The following SGCZ variants were observed in gnomAD, a reference collection of about 807,000 sequenced individuals.
SGCZ encodes sarcoglycan zeta, also known as zeta-sarcoglycan.
SGCZ carries 40 observed loss-of-function variants against 41.3 expected under a neutral mutation model. The ratio of observed to expected loss-of-function variants is 0.97; its 90% confidence interval spans 0.75 to 1.26. The LOEUF (loss-of-function observed/expected upper bound fraction) is 1.26, where lower values mean the gene tolerates loss of function less well. Ranked by LOEUF, SGCZ falls within the 50% of genes most tolerant of loss-of-function variation. The probability of loss-of-function intolerance (pLI) is 0.00; values close to 1 mark genes in which losing one functional copy is unlikely to be tolerated. For synonymous variants in SGCZ, 206 were observed against 137.5 expected (o/e 1.50, Z -3.49); for missense variants, 552 against 369.8 (o/e 1.49, Z -4.04).
chr8:14,866,564 C>T (rs545944178), intron 1 of SGCZ, among the ~76,000 whole-genome samples: 7 of 152,080 alleles, frequency 4.6e-5, no homozygotes, highest in African/African-American at 9.7e-5. Context: ...AATGCCAGCA[C>T]TTTCGGAGGC....
At chr8:14,366,504 G>A (rs567711477) in intron 2 of SGCZ, among the ~76,000 whole-genome samples, 1 of 152,160 alleles carries the variant, frequency 6.6e-6, no homozygotes, top group East Asian at 1.9e-4. Flanking sequence ...ATTTGGTGGG[G>A]GGGACACAAA....
At chr8:14,401,698 T>C (rs1470347451) in intron 2 of SGCZ, among the ~76,000 whole-genome samples, 1 of 151,780 alleles carries the variant, frequency 6.6e-6, no homozygotes, top group Non-Finnish European at 1.5e-5. Context: ...TGTTGGACAT[T>C]TGGGTTGGTT....
intron 7 of SGCZ, 94 bp from the exon 8 acceptor site, chr8:14,090,731 G>A (rs967389988): frequency 1.8e-6 from 2 of 1,099,258 alleles, no homozygotes; most frequent in African/African-American, 1.6e-5. Flanking sequence ...TAAGGAAGTC[G>A]ACACAACAAA....
At position 14,339,144 on chromosome 8, in the gene SGCZ, A is replaced by G. The variant is rs927925330; in HGVS notation, c.235-14940T>C. Among the ~76,000 whole-genome samples, 3 of 152,184 alleles carry G rather than the reference A, an allele frequency of 2.0e-5. No individual in the cohort carries two copies. The South Asian group carries it at 6.2e-4, about 31-fold the overall frequency. On this transcript the variant is annotated intron_variant, in intron 2 of 7. Coordinates refer to ENST00000382080, the MANE Select transcript of SGCZ (RefSeq NM_139167.4). The stretch of plus-strand genomic sequence containing the variant: ...CTATTAAAGAAAAATCAGTGCTACG[A>G]AAGCACTTTACTTCTACTGCAAACT...
At chr8:14,471,406 T>C (rs1263112033) in intron 2 of SGCZ, among the ~76,000 whole-genome samples, 1 of 152,154 alleles carries the variant, frequency 6.6e-6, no homozygotes, top group Non-Finnish European at 1.5e-5. Context: ...TATGCCACTT[T>C]TCTGATAACA....
chr8:14,539,096 A>G (rs764087640), intron 2 of SGCZ, among the ~76,000 whole-genome samples: 8 of 152,026 alleles, frequency 5.3e-5, no homozygotes, highest in Middle Eastern at 3.2e-3. Flanking sequence ...GCCTCATCCA[A>G]TCAGTTAAAG....
intron 2 of SGCZ, among the ~76,000 whole-genome samples, chr8:14,467,449 C>A (rs558695212): frequency 1.3e-5 from 2 of 152,096 alleles, no homozygotes; most frequent in East Asian, 1.9e-4. Context: ...ATTTGGAGGA[C>A]AGAATCCTTT....
rs71209015 is a variant in SGCZ at position 14,157,336 on chromosome 8, CTGTGTGTGTGTG to C, written c.547+7232_547+7243del. Reference sequence around the variant, plus strand: ...ATATGTTATATACATATATATGCCTCTGTGTGTGTGTGTGTGTGTGTGTGTGTGAGTGTGTGT... The same window carrying C: ...ATATGTTATATACATATATATGCCTCTGTGTGTGTGTGTGTGAGTGTGTGT... On this transcript the variant is annotated intron_variant, in intron 5 of 7. Transcript: ENST00000382080. Among the ~76,000 whole-genome samples, 54 of 138,888 alleles carry C rather than the reference CTGTGTGTGTGTG, an allele frequency of 3.9e-4. No individual in the cohort carries two copies. In the South Asian group the frequency reaches 7.8e-3, roughly 20 times the overall value. 91.1% of individuals were successfully genotyped at this position (138,888 alleles called of 152,430 possible).
intron 1 of SGCZ, among the ~76,000 whole-genome samples, chr8:14,795,657 T>G (rs1801098513): frequency 6.6e-6 from 1 of 152,112 alleles, no homozygotes; most frequent in African/African-American, 2.4e-5. Context: ...GGTACAGACT[T>G]CTTTATTGTT....
chr8:14,110,073 ATTTAT>A (rs1802327441), intron 5 of SGCZ, among the ~76,000 whole-genome samples: 1 of 152,224 alleles, frequency 6.6e-6, no homozygotes, highest in South Asian at 2.1e-4. Context: ...TTTGGAAGAT[ATTTAT>A]TTTATTTCTA....
At chr8:15,178,306 C>G (rs1800060450) in intron 1 of SGCZ, among the ~76,000 whole-genome samples, 1 of 152,004 alleles carries the variant, frequency 6.6e-6, no homozygotes, top group African/African-American at 2.4e-5. Context: ...TACCAATCAC[C>G]TAAATATTAC....
chr8:14,089,681 G>T lies in SGCZ; in HGVS notation c.*762C>A, dbSNP rs1240051395. Among the ~76,000 whole-genome samples, 1 of 151,986 alleles carries T rather than the reference G, an allele frequency of 6.6e-6. No individual in the cohort carries two copies. The highest frequency in any genetic ancestry group is 1.5e-5 in the Non-Finnish European group (1 of 67,982). Reference sequence around the variant, plus strand: ...TTTGTTAAAAGCAAATACGTCACATGCAGTAGCCATGTAAATACTATATAA... The same window carrying T: ...TTTGTTAAAAGCAAATACGTCACATTCAGTAGCCATGTAAATACTATATAA... On this transcript the variant is annotated 3_prime_UTR_variant, in exon 8 of 8. Transcript: ENST00000382080.
chr8:14,475,786 A>G (rs1459426177), intron 2 of SGCZ, among the ~76,000 whole-genome samples: 1 of 152,154 alleles, frequency 6.6e-6, no homozygotes, highest in East Asian at 1.9e-4. Context: ...AACAAGCAAT[A>G]TATTAGTTCA....
intron 1 of SGCZ, among the ~76,000 whole-genome samples, chr8:14,911,731 T>A (rs1301873423): frequency 1.3e-5 from 2 of 151,904 alleles, no homozygotes; most frequent in Non-Finnish European, 1.5e-5. Flanking sequence ...TTAAAAATAT[T>A]TATATATATG....
At chr8:14,620,443 T>A (rs1806247052) in intron 1 of SGCZ, among the ~76,000 whole-genome samples, 1 of 151,918 alleles carries the variant, frequency 6.6e-6, no homozygotes, top group South Asian at 2.1e-4. Flanking sequence ...ACAAATGGGA[T>A]CTAATTAAAC....
chr8:14,676,500 AGAGT>A (rs1367939803), intron 1 of SGCZ, among the ~76,000 whole-genome samples: 4 of 152,212 alleles, frequency 2.6e-5, no homozygotes, highest in Non-Finnish European at 4.4e-5. Context: ...GCCTGGAGAC[AGAGT>A]GAGACTCCAT....
intron 1 of SGCZ, among the ~76,000 whole-genome samples, chr8:15,075,746 G>A (rs577498163): frequency 6.6e-6 from 1 of 152,232 alleles, no homozygotes; most frequent in East Asian, 1.9e-4. Flanking sequence ...AGTATTACAT[G>A]CCAAAGAGAC....
rs574251634 is a variant in SGCZ, at chr8:14,727,551, C to T, written c.40-172625G>A. On this transcript the variant is annotated intron_variant, in intron 1 of 7. Coordinates refer to ENST00000382080, the MANE Select transcript of SGCZ (RefSeq NM_139167.4). ...TTTGAGGTGGAGTCTCACTCTGTTG[C>T]CCAGGCTAGAGTGCAGTGGCCAGAT... 1.3e-3 allele frequency among the ~76,000 whole-genome samples: 198 copies of T among 150,562 alleles called. 5 individuals carry two copies. Among genetic ancestry groups the T allele is most frequent in the African/African-American group, 4.7e-3 (192 of 40,690 alleles).
At chr8:15,179,174 T>A (rs933961748) in intron 1 of SGCZ, among the ~76,000 whole-genome samples, 1 of 152,096 alleles carries the variant, frequency 6.6e-6, no homozygotes, top group Non-Finnish European at 1.5e-5. Flanking sequence ...AATTAACCTG[T>A]TTAAGTAAAG....
Sources: allele counts gnomAD v4.1 joint callset (sites outside exome capture counted in the v4.1 genomes callset), GRCh38; gene constraint gnomAD v4.1.1; transcripts MANE v1.5; gene names NCBI Gene and HGNC (gene_info 2026-07-23, HGNC 2026-07-21).